The following GRAMD1B variants were observed in gnomAD, a reference collection of about 807,000 sequenced individuals.
GRAMD1B encodes the protein GRAM domain containing 1B.
GRAMD1B carries 37 observed loss-of-function variants against 99.7 expected under a neutral mutation model. That is an observed-to-expected ratio of 0.37 (90% confidence interval 0.29 to 0.49). The LOEUF is 0.49. Ranked by LOEUF, GRAMD1B falls within the 20% of genes least tolerant of loss-of-function variation. GRAMD1B has a pLI of 0.98. For synonymous variants in GRAMD1B, 427 were observed against 387.6 expected (o/e 1.10, Z -1.19); for missense variants, 888 against 1,009.2 (o/e 0.88, Z 1.63).
At position 123,557,679 on chromosome 11, in the gene GRAMD1B, T is replaced by C. The variant is rs539338270; in HGVS notation, c.453-19688T>C. On this transcript the variant is annotated intron_variant, in intron 2 of 19. Transcript: ENST00000635736. ...GATCGGAAACTTAGTGAAGCTAACT[T>C]TTCAAAGAGCACAGAAGAAGTAATT... is the stretch of plus-strand genomic sequence containing the variant. Among the ~76,000 whole-genome samples the C allele has an allele frequency of 1.1e-4, 16 of 152,302 alleles. No homozygotes were observed. The South Asian group carries it at 3.3e-3, about 32-fold the overall frequency.
chr11:123,480,938 GGGTGGGGT>G (rs1951563493), intron 2 of GRAMD1B, 45 bp downstream of exon 2: 1 of 398,672 alleles, frequency 2.5e-6, no homozygotes, highest in African/African-American at 2.1e-5. Context: ...AGAATAGAGG[GGGTGGGGT>G]GGAATGTTTG....
At position 123,626,832 on chromosome 11, in the gene GRAMD1B, G is replaced by C. The variant is rs1955531556; in HGVS notation, c.*4237G>C. 1 of 152,330 alleles carries C rather than the reference G, an allele frequency of 6.6e-6. No individual in the cohort carries two copies. The highest frequency in any genetic ancestry group is 2.4e-5 in the African/African-American group (1 of 41,446). 9.4% of individuals were successfully genotyped at this position (152,330 alleles called of 1,614,324 possible). Reference sequence around the variant, plus strand: ...CTTCTAGAAGATGCATTTTGGGTCTGAGAGGAGCATTTTCCTGGAAGGCCA... The same window carrying C: ...CTTCTAGAAGATGCATTTTGGGTCTCAGAGGAGCATTTTCCTGGAAGGCCA... On this transcript the variant is annotated 3_prime_UTR_variant, in exon 20 of 20. Coordinates refer to ENST00000635736, the MANE Select transcript of GRAMD1B (RefSeq NM_001387025.1).
intron 17 of GRAMD1B, among the ~76,000 whole-genome samples, chr11:123,618,027 G>A (rs1954674752): frequency 6.6e-6 from 1 of 152,180 alleles, no homozygotes. Context: ...ACATCTGTAA[G>A]AGGTATCATT....
chr11:123,504,495 G>A (rs770909682), intron 2 of GRAMD1B, among the ~76,000 whole-genome samples: 2 of 152,096 alleles, frequency 1.3e-5, no homozygotes, highest in Non-Finnish European at 2.9e-5. Flanking sequence ...TCCGCTTCAA[G>A]CCTTTATACA....
At position 123,526,919 on chromosome 11, in the gene GRAMD1B, C is replaced by T. The variant is rs899743944; in HGVS notation, c.452+46026C>T. ...GTTTTTTGACCCAATAAGGAGATTGCACGGGCAGGTGAATTGGCTTTTCAT... is the reference window on the plus strand; with the variant it reads ...GTTTTTTGACCCAATAAGGAGATTGTACGGGCAGGTGAATTGGCTTTTCAT... On this transcript the variant is annotated intron_variant, in intron 2 of 19. Transcript: ENST00000635736. 2.0e-5 allele frequency among the ~76,000 whole-genome samples: 3 copies of T among 152,200 alleles called. No homozygotes were observed. The East Asian group carries it at 5.8e-4, about 29-fold the overall frequency.
chr11:123,477,678 C>CTCCTTCTCCCTTCCTTTCCCT (rs1229929116), intron 1 of GRAMD1B, among the ~76,000 whole-genome samples: 9 of 133,286 alleles, frequency 6.8e-5, no homozygotes, highest in Admixed American at 2.4e-4. Flanking sequence ...TCCCTTCCTT[C>CTCCTTCTCCCTTCCTTTCCCT]TCCTTCTCCC....
chr11:123,622,525 A>G lies in GRAMD1B; in HGVS notation c.2564A>G (p.Asn855Ser). Reference protein sequence around the residue: ...LLDQMKDSLINLQNGIRSRDY... With the variant: ...LLDQMKDSLISLQNGIRSRDY... Reference sequence around the variant, plus strand: ...TTGCAGATGAAGGACTCGCTCATCAACCTTCAGAACGGCATCAGGTCCCGC... The same window carrying G: ...TTGCAGATGAAGGACTCGCTCATCAGCCTTCAGAACGGCATCAGGTCCCGC... The change falls in exon 20 of 20, where the codon AAC (asparagine) becomes AGC (serine). Residue 855 changes from asparagine to serine, a missense_variant. Asn to Ser is a conservative substitution (Grantham distance 46). Transcript: ENST00000635736. 1.9e-6 allele frequency: 3 copies of G among 1,556,094 alleles called. No homozygotes were observed. The highest frequency in any genetic ancestry group is 2.6e-6 in the Non-Finnish European group (3 of 1,148,944).
intron 2 of GRAMD1B, among the ~76,000 whole-genome samples, chr11:123,570,421 CTT>C (rs755038860): frequency 0.017 from 2,266 of 130,288 alleles, 44 homozygotes; most frequent in African/African-American, 0.058. Context: ...TTTTTCTTTT[CTT>C]TTTTTTTTTT....
chr11:123,569,434 C>A (rs950415276), intron 2 of GRAMD1B, among the ~76,000 whole-genome samples: 3 of 152,174 alleles, frequency 2.0e-5, no homozygotes, highest in African/African-American at 7.2e-5. Context: ...CCCTTCCCAC[C>A]TGCCGTGACA....
At position 123,615,417 on chromosome 11, in the gene GRAMD1B, T is replaced by C. The variant is rs1028519187; in HGVS notation, c.2318+582T>C. Reference sequence around the variant, plus strand: ...AAGATGCTATGCTGGCTGGGCATGGTGGCTCACGCCTGTAATCCCAGCACT... The same window carrying C: ...AAGATGCTATGCTGGCTGGGCATGGCGGCTCACGCCTGTAATCCCAGCACT... On this transcript the variant is annotated intron_variant, in intron 17 of 19. Coordinates refer to ENST00000635736, the MANE Select transcript of GRAMD1B (RefSeq NM_001387025.1). 3.9e-5 allele frequency among the ~76,000 whole-genome samples: 6 copies of C among 152,266 alleles called. No individual in the cohort carries two copies. The South Asian group carries it at 6.2e-4, about 16-fold the overall frequency.
Position 123,465,282 on chromosome 11 carries a change from T to TA in GRAMD1B, c.375-15533dup, listed in dbSNP as rs2134558073. Among the ~76,000 whole-genome samples the TA allele has an allele frequency of 2.0e-5, 3 of 152,268 alleles. No individual in the cohort carries two copies. The East Asian group carries it at 5.8e-4, about 29-fold the overall frequency. ...TTGAAAGCCCAAGTCGATGGCTCCT[T>TA]AGAGAGAGGAGTTCCTTTAGGTGTT... On this transcript the variant is annotated intron_variant, in intron 1 of 19. Coordinates refer to ENST00000635736, the MANE Select transcript of GRAMD1B (RefSeq NM_001387025.1).
In GRAMD1B at chr11:123,577,397, G is replaced by A. The variant is rs770422939; in HGVS notation, c.483G>A (p.Pro161=). ...STASNSNRST[P]ACSPILRKRS... is the part of the protein sequence containing the mutation. ...CCAGTAACTCCAACCGCAGCACGCC[G>A]GCCTGCTCGCCCATCCTCCGGAAGC... is the stretch of plus-strand genomic sequence containing the variant. The change falls in exon 3 of 20, where the codon CCG becomes CCA. Residue 161 remains proline (P), a synonymous_variant. Coordinates refer to ENST00000635736, the MANE Select transcript of GRAMD1B (RefSeq NM_001387025.1). 1 of 1,594,354 alleles carries A rather than the reference G, an allele frequency of 6.3e-7. No homozygotes were observed. Among genetic ancestry groups the A allele is most frequent in the Non-Finnish European group, 8.5e-7 (1 of 1,171,000 alleles).
chr11:123,410,666 A>G (rs1478916374), intron 1 of GRAMD1B, among the ~76,000 whole-genome samples: 2 of 152,126 alleles, frequency 1.3e-5, no homozygotes, highest in African/African-American at 2.4e-5. Context: ...GGAAGAGCAC[A>G]TGCTTCCTGA....
chr11:123,531,381 G>A (rs1361790809), intron 2 of GRAMD1B, among the ~76,000 whole-genome samples: 4 of 151,320 alleles, frequency 2.6e-5, no homozygotes, highest in African/African-American at 9.7e-5. Context: ...TACCTGGCTT[G>A]AAGTAAGCAG....
intron 2 of GRAMD1B, among the ~76,000 whole-genome samples, chr11:123,545,319 G>A (rs942506573): frequency 8.5e-5 from 13 of 152,172 alleles, no homozygotes; most frequent in African/African-American, 3.1e-4. Context: ...TACAGATTCT[G>A]GGTTCCAATT....
chr11:123,370,566 C>G (rs1458184723), intron 1 of GRAMD1B, among the ~76,000 whole-genome samples: 2 of 151,938 alleles, frequency 1.3e-5, no homozygotes, highest in African/African-American at 4.8e-5. Flanking sequence ...TCTCGAACTC[C>G]TGAGCTCAAG....
intron 2 of GRAMD1B, among the ~76,000 whole-genome samples, chr11:123,509,452 G>T (rs977429367): frequency 6.6e-6 from 1 of 152,168 alleles, no homozygotes; most frequent in Non-Finnish European, 1.5e-5. Flanking sequence ...TTTCTGATTG[G>T]GAGAAATATC....
At chr11:123,472,996 G>A (rs1374045504) in intron 1 of GRAMD1B, among the ~76,000 whole-genome samples, 1 of 152,120 alleles carries the variant, frequency 6.6e-6, no homozygotes, top group Non-Finnish European at 1.5e-5. Context: ...AAATGATTTG[G>A]GGGATGCTTT....
rs1949832008 is a variant in GRAMD1B at position 123,450,373 on chromosome 11, C to A, written c.374+19207C>A. On this transcript the variant is annotated intron_variant, in intron 1 of 19. Coordinates refer to ENST00000635736, the MANE Select transcript of GRAMD1B (RefSeq NM_001387025.1). ...ATATATGCATCCTTCCACCTTTTTT[C>A]CCCAACTAACTAATCCAACAAACAT... is the stretch of plus-strand genomic sequence containing the variant. 2.6e-5 allele frequency among the ~76,000 whole-genome samples: 4 copies of A among 152,142 alleles called. No homozygotes were observed. In the South Asian group the frequency reaches 6.2e-4, roughly 24 times the overall value.
Sources: gnomAD v4.1 joint callset for allele counts (sites outside exome capture counted in the v4.1 genomes callset) on GRCh38, gnomAD v4.1.1 for gene constraint, MANE v1.5 for transcripts, NCBI Gene and HGNC (gene_info 2026-07-23, HGNC 2026-07-21) for gene names.